ADAMTS20: variants seen among roughly 807,000 people sequenced by gnomAD.
The protein encoded by ADAMTS20 is A disintegrin and metalloproteinase with thrombospondin motifs 20.
Under a neutral mutation model 260.1 loss-of-function variants are expected in ADAMTS20, and 225 were observed. The observed-to-expected ratio is 0.87, with a 90% CI of 0.78 to 0.97. ADAMTS20 has a LOEUF of 0.97. Among genes scored for constraint, ADAMTS20 ranks in the 50% least tolerant of loss-of-function variants. The pLI, the probability that ADAMTS20 is intolerant of heterozygous loss-of-function variation, is 0.00. For synonymous variants in ADAMTS20, 802 were observed against 769.5 expected, an observed-to-expected ratio of 1.04 and a Z score of -0.70; for missense variants, 2,400 against 2,337.7, an observed-to-expected ratio of 1.03 and a Z score of -0.55.
intron 6 of ADAMTS20, among the ~76,000 whole-genome samples, chr12:43,491,256 G>A (rs558630073): frequency 6.6e-6 from 1 of 152,208 alleles, no homozygotes; most frequent in African/African-American, 2.4e-5. Context: ...CAGGTTTGTA[G>A]CCTAGGGCCA....
chr12:43,501,469 G>GCACACA (rs1474415285), intron 4 of ADAMTS20, among the ~76,000 whole-genome samples: 3 of 42,054 alleles, frequency 7.1e-5, no homozygotes, highest in Non-Finnish European at 8.3e-5. Flanking sequence ...ATACGCGCGC[G>GCACACA]CGCGCGCGCG....
In ADAMTS20 at chr12:43,439,668, T is replaced by G. The variant is rs577947805; in HGVS notation, c.2547A>C (p.Thr849=). ...IPLEERSDMF[T]WDPYGPWEGC... is the part of the protein sequence containing the mutation. ...CTTCCCATGGTCCATAGGGGTCCCA[T>G]GTGAACATGTCACTCCTCTCTTCCA... The change falls in exon 18 of 39, where the codon ACA becomes ACC. Residue 849 remains threonine, a synonymous_variant. Transcript: ENST00000389420. 1 of 1,613,778 alleles carries G rather than the reference T, an allele frequency of 6.2e-7. No individual in the cohort carries two copies. The highest frequency in any genetic ancestry group is 2.2e-5 in the East Asian group (1 of 44,864).
rs541522986 is a variant in ADAMTS20, at chr12:43,471,219, G to A, written c.1118-2514C>T. ...GTTCCCTTTCCGAGTCAAAGAAAGG[G>A]GTGACGGACGCACCTGGAAAATCGG... On this transcript the variant is annotated intron_variant, in intron 7 of 38. Coordinates refer to ENST00000389420, the MANE Select transcript of ADAMTS20 (RefSeq NM_025003.5). Among the ~76,000 whole-genome samples, 77 of 152,256 alleles carry A rather than the reference G, an allele frequency of 5.1e-4. 2 individuals are homozygous for A. The highest frequency in any genetic ancestry group is 1.7e-3 in the African/African-American group (71 of 41,554).
chr12:43,377,581 C>T lies in ADAMTS20; in HGVS notation c.4798-19G>A, dbSNP rs199689296. On this transcript the variant is annotated intron_variant, in intron 31 of 38. Transcript: ENST00000389420. ...TTGCACACTGAAAAATACATAATTACAAGAAAGAAAATGTCATTAACTTTA... is the reference window on the plus strand; with the variant it reads ...TTGCACACTGAAAAATACATAATTATAAGAAAGAAAATGTCATTAACTTTA... 17 of 1,590,394 alleles carry T rather than the reference C, an allele frequency of 1.1e-5. No individual in the cohort carries two copies. The Admixed American group carries it at 2.6e-4, about 24-fold the overall frequency.
chr12:43,425,633 T>C lies in ADAMTS20; in HGVS notation c.4165A>G (p.Asn1389Asp), dbSNP rs374493724. 3 of 1,610,690 alleles carry C rather than the reference T, an allele frequency of 1.9e-6. No homozygotes were observed. Among genetic ancestry groups the C allele is most frequent in the Non-Finnish European group, 2.5e-6 (3 of 1,177,972 alleles). Residue 1389 changes from asparagine to aspartate, a missense_variant, in exon 28 of 39, where the codon AAT becomes GAT. By Grantham distance (23) the Asn-to-Asp change is conservative. Transcript: ENST00000389420. The stretch of plus-strand genomic sequence containing the variant: ...TTGTGATCTTCTAATATTTGGCCAT[T>C]GGGAAATTGACATATTACAAGTCTT... Reference protein sequence around the residue: ...KSRLVICQFPNGQILEDHNCE... With the variant: ...KSRLVICQFPDGQILEDHNCE...
chr12:43,509,321 T>C lies in ADAMTS20; in HGVS notation c.614-6916A>G, dbSNP rs554779514. ...AAAATTTAACAACAAATTTTGGTTGTTGTTATTGATATTGTTATCAATATA... is the reference window on the plus strand; with the variant it reads ...AAAATTTAACAACAAATTTTGGTTGCTGTTATTGATATTGTTATCAATATA... On this transcript the variant is annotated intron_variant, in intron 3 of 38. Transcript: ENST00000389420. Among the ~76,000 whole-genome samples the C allele has an allele frequency of 7.9e-5, 12 of 152,274 alleles. No individual in the cohort carries two copies. The South Asian group carries it at 2.3e-3, about 29-fold the overall frequency.
chr12:43,537,108 TA>T (rs1943306268), intron 2 of ADAMTS20, among the ~76,000 whole-genome samples: 1 of 152,152 alleles, frequency 6.6e-6, no homozygotes, highest in South Asian at 2.1e-4. Flanking sequence ...TATTTATTGT[TA>T]CCAAGGCCGG....
At chr12:43,521,422 CA>C (rs970815380) in intron 3 of ADAMTS20, among the ~76,000 whole-genome samples, 19 of 151,654 alleles carry the variant, frequency 1.3e-4, no homozygotes, top group African/African-American at 4.6e-4. Context: ...AGATTACTCA[CA>C]AAAAAAATAT....
chr12:43,373,473 A>G (rs1160677552), intron 36 of ADAMTS20, among the ~76,000 whole-genome samples: 3 of 152,094 alleles, frequency 2.0e-5, no homozygotes, highest in Non-Finnish European at 4.4e-5. Flanking sequence ...GGCCACACAT[A>G]AAATACACTA....
At chr12:43,364,012 C>A (rs150865670) in intron 37 of ADAMTS20, among the ~76,000 whole-genome samples, 2 of 152,236 alleles carry the variant, frequency 1.3e-5, no homozygotes, top group African/African-American at 4.8e-5. Context: ...CGCATAAACT[C>A]AACACAATTT....
At chr12:43,548,149 T>G (rs1304299569) in intron 2 of ADAMTS20, among the ~76,000 whole-genome samples, 3 of 152,050 alleles carry the variant, frequency 2.0e-5, no homozygotes, top group Non-Finnish European at 4.4e-5. Flanking sequence ...TTTAATAAAC[T>G]ACAACATCCA....
At chr12:43,392,461 C>T (rs1487130298) in intron 29 of ADAMTS20, among the ~76,000 whole-genome samples, 2 of 151,960 alleles carry the variant, frequency 1.3e-5, no homozygotes, top group Admixed American at 6.6e-5. Flanking sequence ...GAGCAGCTAG[C>T]TACTATATTT....
intron 29 of ADAMTS20, 106 bp from the exon 30 acceptor site, chr12:43,384,083 T>C: frequency 9.8e-7 from 1 of 1,023,276 alleles, no homozygotes; most frequent in Non-Finnish European, 1.4e-6. Context: ...TACAGCCTGG[T>C]ATTAAAACAT....
intron 2 of ADAMTS20, among the ~76,000 whole-genome samples, chr12:43,537,152 C>T (rs180794168): frequency 3.3e-5 from 5 of 152,112 alleles, no homozygotes; most frequent in Admixed American, 6.5e-5. Flanking sequence ...TCACTGCAAC[C>T]TCCACCTCCC....
chr12:43,367,925 G>T (rs1394808308), intron 37 of ADAMTS20, among the ~76,000 whole-genome samples: 1 of 151,948 alleles, frequency 6.6e-6, no homozygotes, highest in African/African-American at 2.4e-5. Context: ...CACTCTACCT[G>T]TCAAAGCCTT....
intron 28 of ADAMTS20, among the ~76,000 whole-genome samples, chr12:43,409,268 A>G (rs559138994): frequency 1.9e-4 from 29 of 152,120 alleles, no homozygotes; most frequent in African/African-American, 6.0e-4. Context: ...GTTTCCCATC[A>G]AGTAAAATCA....
chr12:43,551,343 A>G lies in ADAMTS20; in HGVS notation c.92-73T>C. 1 of 1,533,604 alleles carries G rather than the reference A, an allele frequency of 6.5e-7. No homozygotes were observed. Among genetic ancestry groups the G allele is most frequent in the African/African-American group, 1.4e-5 (1 of 73,058 alleles). 95.0% of individuals were successfully genotyped at this position (1,533,604 alleles called of 1,614,324 possible). A position where few individuals can be genotyped will look rare whatever the true frequency, so the allele number is the denominator to read the frequency against. On this transcript the variant is annotated intron_variant, in intron 1 of 38. Coordinates refer to ENST00000389420, the MANE Select transcript of ADAMTS20 (RefSeq NM_025003.5). The surrounding 1 kb of genome is among the most constrained non-coding windows in gnomAD (Gnocchi z 4.6). ...GTCCAACTCTAAACTTCTTCCACCA[A>G]ACGTCCCCGCTAAAGGTCCCAGGTC...
At chr12:43,501,474 C>CGG (rs1555137731) in intron 4 of ADAMTS20, among the ~76,000 whole-genome samples, 2 of 110,564 alleles carry the variant, frequency 1.8e-5, no homozygotes, top group Non-Finnish European at 3.5e-5. Context: ...CGCGCGCGCG[C>CGG]GCGCGCGCAC....
At chr12:43,379,416 TC>T (rs1324373535) in intron 31 of ADAMTS20, among the ~76,000 whole-genome samples, 1 of 152,146 alleles carries the variant, frequency 6.6e-6, no homozygotes. Flanking sequence ...TGTACACATG[TC>T]CAGGTCTGTC....
Sources: gnomAD v4.1 joint callset for allele counts (sites outside exome capture counted in the v4.1 genomes callset) on GRCh38, gnomAD v4.1.1 for gene constraint, Gnocchi (gnomAD v3.1) non-coding constraint, MANE v1.5 for transcripts, NCBI Gene and HGNC (gene_info 2026-07-23, HGNC 2026-07-21) for gene names.